Variants in CAPN11 observed in about 807,000 individuals in gnomAD.
The protein encoded by CAPN11 is calpain-11.
Under a neutral mutation model 105.3 loss-of-function variants are expected in CAPN11, and 108 were observed. The ratio of observed to expected loss-of-function variants is 1.03; its 90% confidence interval spans 0.88 to 1.20. The LOEUF (loss-of-function observed/expected upper bound fraction) is 1.20. Ranked by LOEUF, CAPN11 falls within the 50% of genes most tolerant of loss-of-function variation. The pLI is 0.00. For synonymous variants in CAPN11, 329 were observed against 344.5 expected, an observed-to-expected ratio of 0.96 and a Z score of 0.50; for missense variants, 883 against 924.8, an observed-to-expected ratio of 0.95 and a Z score of 0.59.
Position 44,176,170 on chromosome 6 carries a change from G to T in CAPN11, c.915+19G>T. On this transcript the variant is annotated intron_variant, in intron 8 of 22. Coordinates refer to ENST00000398776, the MANE Select transcript of CAPN11 (RefSeq NM_007058.4). Reference sequence around the variant, plus strand: ...TCAGGATGTGAGTCCTGAGAAATGCGCCCTACCCTGAGGACCCTGAGAAGG... The same window carrying T: ...TCAGGATGTGAGTCCTGAGAAATGCTCCCTACCCTGAGGACCCTGAGAAGG... The T allele has an allele frequency of 6.9e-7, 1 of 1,439,726 alleles. No homozygotes were observed. The highest frequency in any genetic ancestry group is 1.2e-5 in the South Asian group (1 of 83,958). The allele number at this position is 1,439,726 out of a possible 1,614,324, so 89.2% of individuals were successfully genotyped here.
chr6:44,179,652 G>A (rs1772796461), intron 13 of CAPN11, 22 bp downstream of exon 13: 1 of 1,612,232 alleles, frequency 6.2e-7, no homozygotes. Flanking sequence ...AAAGATGTGG[G>A]GCTTGTTCCT....
chr6:44,172,506 T>C, intron 5 of CAPN11, 86 bp downstream of exon 5: 1 of 773,276 alleles, frequency 1.3e-6, no homozygotes, highest in South Asian at 2.1e-5. Flanking sequence ...TCTTTCCTTT[T>C]GAAAAATAGC....
rs555686600 is a variant in CAPN11 at position 44,162,803 on chromosome 6, G to T, written c.16+3939G>T. The stretch of plus-strand genomic sequence containing the variant: ...GTCTTCTCCACGCTCCATGTTGGGG[G>T]TGCATTCACTTTGACCCCTCAGTAC... On this transcript the variant is annotated intron_variant, in intron 1 of 22. Coordinates refer to ENST00000398776, the MANE Select transcript of CAPN11 (RefSeq NM_007058.4). Among the ~76,000 whole-genome samples the T allele has an allele frequency of 3.3e-5, 5 of 152,230 alleles. No individual in the cohort carries two copies. The East Asian group carries it at 7.7e-4, about 23-fold the overall frequency.
Position 44,177,260 on chromosome 6 carries a change from C to T in CAPN11, c.1256C>T (p.Pro419Leu). The T allele has an allele frequency of 6.3e-7, 1 of 1,596,422 alleles. No individual in the cohort carries two copies. Among genetic ancestry groups the T allele is most frequent in the Non-Finnish European group, 8.5e-7 (1 of 1,171,516 alleles). ...RNHPGTFWTNPQFKISLPEGD... is the reference protein window; with the variant it reads ...RNHPGTFWTNLQFKISLPEGD... ...GCCACAGGCACGTTCTGGACCAACCCCCAGTTTAAGATCTCTCTTCCTGAG... is the reference window on the plus strand; with the variant it reads ...GCCACAGGCACGTTCTGGACCAACCTCCAGTTTAAGATCTCTCTTCCTGAG... The change falls in exon 12 of 23, where the codon CCC becomes CTC. Residue 419 changes from proline (P) to leucine (L), a missense_variant. By Grantham distance (98) the Pro-to-Leu change is moderately conservative (BLOSUM62 -3). Coordinates refer to ENST00000398776, the MANE Select transcript of CAPN11 (RefSeq NM_007058.4).
At chr6:44,183,042 C>T (rs752855956) in intron 20 of CAPN11, 23 bp downstream of exon 20, 1 of 1,606,526 alleles carries the variant, frequency 6.2e-7, no homozygotes, top group East Asian at 2.2e-5. Context: ...CAGGAGTGGG[C>T]CTTGGGGCAG....
intron 14 of CAPN11, 65 bp downstream of exon 14, chr6:44,180,228 G>A: frequency 3.2e-6 from 4 of 1,243,834 alleles, no homozygotes; most frequent in Non-Finnish European, 3.5e-6. Context: ...TCAAGCTCAG[G>A]GAGCTGCTGT....
At chr6:44,172,537 G>T in intron 5 of CAPN11, 117 bp downstream of exon 5, 3 of 660,868 alleles carry the variant, frequency 4.5e-6, no homozygotes, top group Admixed American at 3.2e-5. Context: ...GTGGGTTTTG[G>T]ACTAATTATC....
In CAPN11 at chr6:44,182,943, C is replaced by T. The variant is rs779021609; in HGVS notation, c.1941C>T (p.Asp647=). The T allele has an allele frequency of 1.2e-5, 19 of 1,603,174 alleles. 1 individual carries two copies. In the South Asian group the frequency reaches 1.9e-4, roughly 16 times the overall value. ...ILWKKLKKWM[D]IFRECDQDHS... is the part of the protein sequence containing the mutation. ...ACCATATCTGTCTGTCTCTTCAGGA[C>T]ATCTTCAGAGAGTGTGACCAGGACC... is the stretch of plus-strand genomic sequence containing the variant. The change falls in exon 20 of 23, where the codon GAC becomes GAT. Residue 647 remains aspartate (D), a splice_region_variant and synonymous_variant. Coordinates refer to ENST00000398776, the MANE Select transcript of CAPN11 (RefSeq NM_007058.4).
intron 1 of CAPN11, among the ~76,000 whole-genome samples, chr6:44,165,784 G>T (rs1293362583): frequency 1.3e-5 from 2 of 152,150 alleles, no homozygotes; most frequent in African/African-American, 4.8e-5. Context: ...GGGCTCTGGG[G>T]GCTGGCCTTA....
In CAPN11 at chr6:44,177,018, G is replaced by A; in HGVS notation, c.1237+20G>A. The stretch of plus-strand genomic sequence containing the variant: ...ACCCTGGTGGGTGAGGGGTGAGAGG[G>A]GAGGGGGTGTGCAGGGAGTGAAGGA... On this transcript the variant is annotated intron_variant, in intron 11 of 22. Transcript: ENST00000398776. 1 of 1,609,314 alleles carries A rather than the reference G, an allele frequency of 6.2e-7. No individual in the cohort carries two copies. Among genetic ancestry groups the A allele is most frequent in the African/African-American group, 1.3e-5 (1 of 74,992 alleles).
chr6:44,160,184 A>G (rs867278096), intron 1 of CAPN11, among the ~76,000 whole-genome samples: 13 of 152,234 alleles, frequency 8.5e-5, no homozygotes, highest in African/African-American at 2.9e-4. Flanking sequence ...TCTCACCACA[A>G]ACAAATAACA....
chr6:44,181,422 ACAC>A, intron 19 of CAPN11, 102 bp downstream of exon 19: 3 of 766,286 alleles, frequency 3.9e-6, no homozygotes, highest in Non-Finnish European at 6.3e-6. Context: ...CTAACCACAC[ACAC>A]ACACACACCC....
At chr6:44,176,402 G>C (rs1010374942) in intron 9 of CAPN11, 64 bp downstream of exon 9, 1 of 1,456,480 alleles carries the variant, frequency 6.9e-7, no homozygotes, top group African/African-American at 1.4e-5. Flanking sequence ...CAGGTGGACC[G>C]ACTGGTGTCC....
intron 19 of CAPN11, 123 bp downstream of exon 19, chr6:44,181,443 CCA>C (rs1679659961): frequency 1.7e-6 from 1 of 589,932 alleles, no homozygotes; most frequent in Admixed American, 2.8e-5. Context: ...CCCAACCACA[CCA>C]CACTCACACA....
intron 10 of CAPN11, 74 bp from the exon 11 acceptor site, chr6:44,176,764 G>T (rs573478641): frequency 2.7e-5 from 43 of 1,580,610 alleles, no homozygotes; most frequent in South Asian, 3.5e-5. Context: ...GGGTGGTTGT[G>T]GGGGGTGGTT....
chr6:44,166,737 TCC>T lies in CAPN11; in HGVS notation c.17-19_17-18del. ...TTAGACCACAGCCTTCCTCCCCTCC[TCC>T]CACTCTTTCTTATTCTAGGGCCGAG... On this transcript the variant is annotated intron_variant, in intron 1 of 22. Transcript: ENST00000398776. 1 of 1,540,730 alleles carries T rather than the reference TCC, an allele frequency of 6.5e-7. No homozygotes were observed. The highest frequency in any genetic ancestry group is 2.4e-5 in the East Asian group (1 of 40,852).
intron 7 of CAPN11, among the ~76,000 whole-genome samples, chr6:44,175,785 A>T (rs9394991): frequency 1.6e-5 from 1 of 61,508 alleles, no homozygotes; most frequent in African/African-American, 8.6e-5. Flanking sequence ...AAATAATAAT[A>T]AATAATAATA....
chr6:44,163,355 A>C (rs1769246319), intron 1 of CAPN11, among the ~76,000 whole-genome samples: 1 of 152,158 alleles, frequency 6.6e-6, no homozygotes, highest in African/African-American at 2.4e-5. Context: ...AAGTGACTTC[A>C]CAAAGACCAC....
intron 19 of CAPN11, among the ~76,000 whole-genome samples, chr6:44,182,256 ACACACACACACATACAGACACAACCACAC>A (rs1561855632): frequency 5.7e-5 from 8 of 140,358 alleles, no homozygotes; most frequent in South Asian, 2.5e-4. Flanking sequence ...ACCACACCAC[ACACACACACACATACAGACACAACCACAC>A]CACACACACA....
Sources: gnomAD v4.1 joint callset for allele counts (sites outside exome capture counted in the v4.1 genomes callset) on GRCh38, gnomAD v4.1.1 for gene constraint, MANE v1.5 for transcripts, NCBI Gene and HGNC (gene_info 2026-07-23, HGNC 2026-07-21) for gene names.